HDGFL2: variants seen among roughly 807,000 people sequenced by gnomAD.
The protein encoded by HDGFL2 is HDGF like 2, also known as hepatoma-derived growth factor-related protein 2.
HDGFL2 carries 36 observed loss-of-function variants against 77.1 expected under a neutral mutation model. The observed-to-expected ratio is 0.47, with a 90% CI of 0.36 to 0.62. The LOEUF (loss-of-function observed/expected upper bound fraction) is 0.62. HDGFL2 is among the 20% of genes least tolerant of loss of function. The pLI is 0.00. For synonymous variants in HDGFL2, 463 were observed against 413.1 expected (o/e 1.12, Z -1.46); for missense variants, 976 against 973.4 (o/e 1.00, Z -0.04).
rs528680664 is a variant in HDGFL2, at chr19:4,494,490, C to T, written c.1224+15C>T. ...TGGAGAGAGAGGTGAGCCGGGAGGGCGCCGGGAGTCCCTGCCTTCACTCCA... is the reference window on the plus strand; with the variant it reads ...TGGAGAGAGAGGTGAGCCGGGAGGGTGCCGGGAGTCCCTGCCTTCACTCCA... On this transcript the variant is annotated intron_variant, in intron 9 of 15. Coordinates refer to ENST00000616600, the MANE Select transcript of HDGFL2 (RefSeq NM_001001520.3). 25 of 1,366,902 alleles carry T rather than the reference C, an allele frequency of 1.8e-5. No individual in the cohort carries two copies. In the South Asian group the frequency reaches 3.9e-4, roughly 22 times the overall value. 84.7% of individuals were successfully genotyped at this position (1,366,902 alleles called of 1,614,324 possible).
chr19:4,494,567 C>A, intron 9 of HDGFL2, 92 bp downstream of exon 9: 1 of 1,007,162 alleles, frequency 9.9e-7, no homozygotes, highest in Non-Finnish European at 1.3e-6. Flanking sequence ...GGTTCCGGGA[C>A]CCATCAAGAA....
chr19:4,491,694 G>A lies in HDGFL2; in HGVS notation c.606+12G>A. ...AGACCAGCGACCAGGTGGGCCAGTG[G>A]CTCCTTGGGATGGCAGGGAAGCGTG... On this transcript the variant is annotated intron_variant, in intron 5 of 15. Coordinates refer to ENST00000616600, the MANE Select transcript of HDGFL2 (RefSeq NM_001001520.3). The A allele has an allele frequency of 6.2e-7, 1 of 1,613,778 alleles. No individual in the cohort carries two copies. The highest frequency in any genetic ancestry group is 8.5e-7 in the Non-Finnish European group (1 of 1,179,760).
At chr19:4,496,266 C>T (rs1216722640) in intron 9 of HDGFL2, 36 bp from the exon 10 acceptor site, 1 of 1,565,806 alleles carries the variant, frequency 6.4e-7, no homozygotes, top group East Asian at 2.2e-5. Context: ...ATCCCCTCTT[C>T]CCACTGCTCC....
intron 9 of HDGFL2, 35 bp downstream of exon 9, chr19:4,494,510 A>G (rs1975650057): frequency 1.5e-6 from 2 of 1,341,308 alleles, no homozygotes; most frequent in South Asian, 1.9e-5. Context: ...CCCTGCCTTC[A>G]CTCCACACGT....
chr19:4,477,149 C>G (rs1001029012), intron 3 of HDGFL2, among the ~76,000 whole-genome samples: 1 of 152,058 alleles, frequency 6.6e-6, no homozygotes, highest in Non-Finnish European at 1.5e-5. Flanking sequence ...TCCTTTGTTT[C>G]GGCCTGGGCT....
At chr19:4,480,415 A>C (rs1026165703) in intron 3 of HDGFL2, among the ~76,000 whole-genome samples, 1 of 152,108 alleles carries the variant, frequency 6.6e-6, no homozygotes, top group African/African-American at 2.4e-5. Flanking sequence ...GTCCCGGGGA[A>C]TAACCTCTTA....
rs1019722123 is a variant in HDGFL2 at position 4,474,566 on chromosome 19, A to G, written c.73-709A>G. Among the ~76,000 whole-genome samples the G allele has an allele frequency of 1.1e-4, 16 of 151,792 alleles. 1 individual carries two copies. The South Asian group carries it at 3.3e-3, about 32-fold the overall frequency. On this transcript the variant is annotated intron_variant, in intron 1 of 15. Coordinates refer to ENST00000616600, the MANE Select transcript of HDGFL2 (RefSeq NM_001001520.3). ...GGGAAGGAATGCATTGGGAGGGGAG[A>G]AGCCACTCCAGCCTGCTGTGCTCGC...
At chr19:4,480,410 G>A (rs1421552279) in intron 3 of HDGFL2, among the ~76,000 whole-genome samples, 1 of 152,120 alleles carries the variant, frequency 6.6e-6, no homozygotes, top group South Asian at 2.1e-4. Flanking sequence ...TGGGAGTCCC[G>A]GGGAATAACC....
chr19:4,484,915 C>T (rs973095571), intron 3 of HDGFL2, among the ~76,000 whole-genome samples: 1 of 152,032 alleles, frequency 6.6e-6, no homozygotes, highest in South Asian at 2.1e-4. Flanking sequence ...TCGTGATCTG[C>T]CCGCCTCGGC....
chr19:4,478,737 A>C (rs945915417), intron 3 of HDGFL2, among the ~76,000 whole-genome samples: 7 of 150,932 alleles, frequency 4.6e-5, no homozygotes, highest in Admixed American at 6.6e-5. Flanking sequence ...GCTGGAGTGC[A>C]GTGGTGCGAC....
At position 4,494,155 on chromosome 19, in the gene HDGFL2, T is replaced by C; in HGVS notation, c.915-11T>C. Reference sequence around the variant, plus strand: ...GGAACGGAGGTCCCCAACCGCCCCCTCCGCCTCCAGTGACAGCGACGAGGT... The same window carrying C: ...GGAACGGAGGTCCCCAACCGCCCCCCCCGCCTCCAGTGACAGCGACGAGGT... On this transcript the variant is annotated splice_polypyrimidine_tract_variant and intron_variant, in intron 8 of 15. Transcript: ENST00000616600. 1 of 1,490,018 alleles carries C rather than the reference T, an allele frequency of 6.7e-7. No homozygotes were observed. The allele number at this position is 1,490,018 out of a possible 1,614,324, so 92.3% of individuals were successfully genotyped here. A position where few individuals can be genotyped will look rare whatever the true frequency, so the allele number is the denominator to read the frequency against.
intron 15 of HDGFL2, 66 bp downstream of exon 15, chr19:4,501,383 C>A: frequency 1.3e-6 from 2 of 1,508,006 alleles, no homozygotes; most frequent in Non-Finnish European, 1.8e-6. Flanking sequence ...ACCCTGGGTC[C>A]GAGCCGCTCC....
chr19:4,483,772 C>T (rs1286522298), intron 3 of HDGFL2, among the ~76,000 whole-genome samples: 1 of 148,646 alleles, frequency 6.7e-6, no homozygotes, highest in African/African-American at 2.5e-5. Flanking sequence ...GAGAATGGGA[C>T]TTAATTGTTT....
chr19:4,481,027 T>A (rs1452452194), intron 3 of HDGFL2, among the ~76,000 whole-genome samples: 7 of 150,226 alleles, frequency 4.7e-5, no homozygotes, highest in Non-Finnish European at 1.0e-4. Flanking sequence ...CGGCTAATTT[T>A]TTTTTTTTTT....
chr19:4,493,936 T>C lies in HDGFL2; in HGVS notation c.839-46T>C, dbSNP rs142516056. Reference sequence around the variant, plus strand: ...GCTCCCAGGCAGTCCCCTGGTCACCTTGGAGCCCTGGAAGGGAAGGTCACC... The same window carrying C: ...GCTCCCAGGCAGTCCCCTGGTCACCCTGGAGCCCTGGAAGGGAAGGTCACC... On this transcript the variant is annotated intron_variant, in intron 7 of 15. Coordinates refer to ENST00000616600, the MANE Select transcript of HDGFL2 (RefSeq NM_001001520.3). The C allele has an allele frequency of 2.0e-5, 31 of 1,569,336 alleles. No homozygotes were observed. The East Asian group carries it at 6.3e-4, about 32-fold the overall frequency.
At position 4,483,600 on chromosome 19, in the gene HDGFL2, G is replaced by A. The variant is rs140753559; in HGVS notation, c.289-5076G>A. Among the ~76,000 whole-genome samples, 344 of 152,046 alleles carry A rather than the reference G, an allele frequency of 2.3e-3. 1 individual carries two copies. The highest frequency in any genetic ancestry group is 7.6e-3 in the African/African-American group (316 of 41,478). ...CCGGCCGCAACACCCGGTCACAAAC[G>A]TGGGCCTTACTCTGCCTGTCCTTCC... is the stretch of plus-strand genomic sequence containing the variant. On this transcript the variant is annotated intron_variant, in intron 3 of 15. Transcript: ENST00000616600.
intron 1 of HDGFL2, among the ~76,000 whole-genome samples, chr19:4,473,535 G>C (rs959070705): frequency 2.6e-5 from 4 of 151,900 alleles, no homozygotes; most frequent in African/African-American, 9.7e-5. Context: ...AGATATGGGG[G>C]CTGAAGCACT....
intron 10 of HDGFL2, chr19:4,496,884 T>G (rs77786952): frequency 7.3e-6 from 3 of 411,068 alleles, no homozygotes; most frequent in South Asian, 3.7e-5. Context: ...TTTTTTTTTT[T>G]TGAGATGGAG....
Position 4,473,007 on chromosome 19 carries a change from C to T in HDGFL2, c.72+585C>T, listed in dbSNP as rs145919026. 3.7e-3 allele frequency among the ~76,000 whole-genome samples: 548 copies of T among 150,128 alleles called. 5 individuals are homozygous for T. The highest frequency in any genetic ancestry group is 0.012 in the African/African-American group (501 of 40,674). ...GAGGGTTTTGGGGCTCAGAGAGTCG[C>T]TCCCTGGGAGTCTGGGGGTATCCTG... On this transcript the variant is annotated intron_variant, in intron 1 of 15. Coordinates refer to ENST00000616600, the MANE Select transcript of HDGFL2 (RefSeq NM_001001520.3).
Sources: allele counts gnomAD v4.1 joint callset (sites outside exome capture counted in the v4.1 genomes callset), GRCh38; gene constraint gnomAD v4.1.1; transcripts MANE v1.5; gene names NCBI Gene and HGNC (gene_info 2026-07-23, HGNC 2026-07-21).